Variants in NCOA1 observed in about 807,000 individuals in gnomAD.
NCOA1 encodes nuclear receptor coactivator 1.
Under a neutral mutation model 150.9 loss-of-function variants are expected in NCOA1, and 35 were observed. The observed-to-expected ratio is 0.23, with a 90% CI of 0.18 to 0.31. The LOEUF (loss-of-function observed/expected upper bound fraction) is 0.31, where lower values mean the gene tolerates loss of function less well. Among genes scored for constraint, NCOA1 ranks in the 10% least tolerant of loss-of-function variants. The probability of loss-of-function intolerance (pLI) is 1.00; values close to 1 mark genes in which losing one functional copy is unlikely to be tolerated. For missense variants in NCOA1, 1,491 were observed against 1,749.3 expected (o/e 0.85, Z 2.63); for synonymous variants, 590 against 630.0 (o/e 0.94, Z 0.95).
In NCOA1 at chr2:24,491,542, G is replaced by GGGC. The variant is rs1238074710; in HGVS notation, c.-456_-455insGGC. ...GAGCGGCGGAGGCCGGGGCGGCGCC[G>GGGC]CCGCCACGGTCGCGGACGAGTGCGG... On this transcript the variant is annotated 5_prime_UTR_variant, in exon 1 of 23. Transcript: ENST00000348332. Among the ~76,000 whole-genome samples, 9 of 2,752 alleles carry GGGC rather than the reference G, an allele frequency of 3.3e-3. No individual in the cohort carries two copies. Among genetic ancestry groups the GGGC allele is most frequent in the African/African-American group, 7.4e-3 (6 of 812 alleles). 1.8% of individuals were successfully genotyped at this position (2,752 alleles called of 152,430 possible).
In NCOA1 at chr2:24,757,989, G is replaced by A; in HGVS notation, c.3898G>A (p.Val1300Ile). 1 of 1,613,926 alleles carries A rather than the reference G, an allele frequency of 6.2e-7. No homozygotes were observed. The highest frequency in any genetic ancestry group is 8.5e-7 in the Non-Finnish European group (1 of 1,179,916). ...AGTTTACAGTGTGTTCAGTCAAGCT[G>A]TCCAGAACCAGCCCACGCCTGCACA... is the stretch of plus-strand genomic sequence containing the variant. ...IGNNNVFSQAVQNQPTPAQPG... is the reference protein window; with the variant it reads ...IGNNNVFSQAIQNQPTPAQPG... Residue 1300 changes from valine (V) to isoleucine (I), a missense_variant, in exon 21 of 23, where the codon GTC becomes ATC. This residue lies in a region of NCOA1 where 485 missense variants were observed against 522.8 expected (regional missense o/e 0.93). Coordinates refer to ENST00000348332, the MANE Select transcript of NCOA1 (RefSeq NM_003743.5).
intron 3 of NCOA1, among the ~76,000 whole-genome samples, chr2:24,616,743 G>C (rs56356360): frequency 0.021 from 3,178 of 152,242 alleles, 59 homozygotes; most frequent in Non-Finnish European, 0.033. Context: ...CTCAGGACAT[G>C]AGCAGTCCCT....
intron 1 of NCOA1, among the ~76,000 whole-genome samples, chr2:24,541,101 T>G (rs979744131): frequency 1.3e-5 from 2 of 152,200 alleles, no homozygotes; most frequent in Non-Finnish European, 2.9e-5. Context: ...TATATGGATT[T>G]GGAACTCAAA....
At chr2:24,612,644 A>G (rs1572490272) in intron 3 of NCOA1, among the ~76,000 whole-genome samples, 1 of 152,038 alleles carries the variant, frequency 6.6e-6, no homozygotes, top group Non-Finnish European at 1.5e-5. Flanking sequence ...GCAGTCTTCA[A>G]GCTCTGAAAT....
At chr2:24,739,688 T>C (rs1176397423) in intron 18 of NCOA1, among the ~76,000 whole-genome samples, 155 bp downstream of exon 18, 1 of 152,208 alleles carries the variant, frequency 6.6e-6, no homozygotes, top group African/African-American at 2.4e-5. Context: ...TAATCTACTT[T>C]TGATACCTCT....
Position 24,739,495 on chromosome 2 carries a change from A to T in NCOA1, c.3265A>T (p.Asn1089Tyr). 1 of 1,613,978 alleles carries T rather than the reference A, an allele frequency of 6.2e-7. No individual in the cohort carries two copies. Among genetic ancestry groups the T allele is most frequent in the Non-Finnish European group, 8.5e-7 (1 of 1,179,862 alleles). ...TGCAGCAACTGCTCCTGTTGGCATC[A>T]ATATGAGATCAGGCATGCAACAGCA... is the stretch of plus-strand genomic sequence containing the variant. ...QFAATAPVGINMRSGMQQQIT... is the reference protein window; with the variant it reads ...QFAATAPVGIYMRSGMQQQIT... The change falls in exon 18 of 23, where the codon AAT becomes TAT. Residue 1089 changes from asparagine (N) to tyrosine (Y), a missense_variant. This residue lies in a region of NCOA1 where 485 missense variants were observed against 522.8 expected (regional missense o/e 0.93). Coordinates refer to ENST00000348332, the MANE Select transcript of NCOA1 (RefSeq NM_003743.5).
chr2:24,614,792 T>A (rs1449380820), intron 3 of NCOA1, among the ~76,000 whole-genome samples: 1 of 152,254 alleles, frequency 6.6e-6, no homozygotes, highest in African/African-American at 2.4e-5. Context: ...TAAACTTAGA[T>A]AATTAAATAA....
chr2:24,696,612 C>T (rs1228740793), intron 10 of NCOA1, among the ~76,000 whole-genome samples: 1 of 152,130 alleles, frequency 6.6e-6, no homozygotes, highest in Non-Finnish European at 1.5e-5. Context: ...TTCACATAAC[C>T]TACAATCTAA....
chr2:24,547,685 T>C (rs756572930), intron 1 of NCOA1, among the ~76,000 whole-genome samples: 3 of 99,872 alleles, frequency 3.0e-5, no homozygotes, highest in Non-Finnish European at 7.2e-5. Context: ...TATCATGAGA[T>C]TGTTAAAAAA....
intron 4 of NCOA1, among the ~76,000 whole-genome samples, chr2:24,656,128 A>G (rs1670939171): frequency 6.6e-6 from 1 of 151,628 alleles, no homozygotes; most frequent in Non-Finnish European, 1.5e-5. Flanking sequence ...AAAAACTGAC[A>G]TTTGCTTGCA....
At chr2:24,744,501 T>C (rs1291107935) in intron 19 of NCOA1, among the ~76,000 whole-genome samples, 1 of 152,238 alleles carries the variant, frequency 6.6e-6, no homozygotes, top group Non-Finnish European at 1.5e-5. Context: ...ATAAACTTGC[T>C]CCAAATTGAT....
At chr2:24,666,707 G>A (rs1369510911) in intron 6 of NCOA1, among the ~76,000 whole-genome samples, 1 of 150,462 alleles carries the variant, frequency 6.6e-6, no homozygotes, top group African/African-American at 2.5e-5. Context: ...ATCTCTGCTC[G>A]CTGCAACCTC....
chr2:24,630,005 G>C (rs11692059), intron 3 of NCOA1, among the ~76,000 whole-genome samples: 1 of 151,198 alleles, frequency 6.6e-6, no homozygotes, highest in Non-Finnish European at 1.5e-5. Context: ...CATCACGCCC[G>C]GCTAATTGTT....
chr2:24,680,606 A>G (rs1473639698), intron 7 of NCOA1, among the ~76,000 whole-genome samples: 1 of 152,166 alleles, frequency 6.6e-6, no homozygotes, highest in Non-Finnish European at 1.5e-5. Context: ...TGGTCAAAAG[A>G]TGAAAACCTT....
At chr2:24,626,130 A>G (rs1172478514) in intron 3 of NCOA1, among the ~76,000 whole-genome samples, 1 of 152,084 alleles carries the variant, frequency 6.6e-6, no homozygotes, top group Admixed American at 6.5e-5. Flanking sequence ...AGCAGTGTGT[A>G]TGTTTTTCTC....
intron 20 of NCOA1, among the ~76,000 whole-genome samples, chr2:24,754,496 G>T (rs1184287116): frequency 1.3e-5 from 2 of 152,144 alleles, no homozygotes; most frequent in Admixed American, 1.3e-4. Context: ...CTGCTGGAAT[G>T]TTCTTCCCTC....
intron 21 of NCOA1, among the ~76,000 whole-genome samples, 171 bp downstream of exon 21, chr2:24,758,327 T>A (rs891463742): frequency 2.7e-5 from 3 of 109,416 alleles, no homozygotes; most frequent in African/African-American, 1.1e-4. Flanking sequence ...TTTGACAGAC[T>A]TTTTTTTTTT....
intron 1 of NCOA1, among the ~76,000 whole-genome samples, chr2:24,531,934 T>G (rs1270156717): frequency 6.6e-6 from 1 of 152,214 alleles, no homozygotes; most frequent in East Asian, 1.9e-4. Flanking sequence ...CATGTGTCTT[T>G]ATAGTAGCAT....
At chr2:24,667,898 A>G (rs1671504265) in intron 6 of NCOA1, among the ~76,000 whole-genome samples, 1 of 152,188 alleles carries the variant, frequency 6.6e-6, no homozygotes, top group African/African-American at 2.4e-5. Flanking sequence ...CAGAAAAAAA[A>G]ATCTATGCAT....
Sources: gnomAD v4.1 joint callset for allele counts (sites outside exome capture counted in the v4.1 genomes callset) on GRCh38, gnomAD v4.1.1 for gene constraint, gnomAD v4.1.1 regional missense constraint, MANE v1.5 for transcripts, NCBI Gene and HGNC (gene_info 2026-07-23, HGNC 2026-07-21) for gene names.